Variants in DPP6 observed in about 807,000 individuals in gnomAD.
DPP6 encodes the protein dipeptidyl peptidase like 6.
Under a neutral mutation model 122.6 loss-of-function variants are expected in DPP6, and 69 were observed. The observed-to-expected ratio is 0.56, with a 90% CI of 0.46 to 0.69. The LOEUF (loss-of-function observed/expected upper bound fraction) is 0.69, where lower values mean the gene tolerates loss of function less well. Among genes scored for constraint, DPP6 ranks in the 30% least tolerant of loss-of-function variants. The probability of loss-of-function intolerance (pLI) is 0.00; values close to 1 mark genes in which losing one functional copy is unlikely to be tolerated. For synonymous variants in DPP6, 418 were observed against 433.1 expected, an observed-to-expected ratio of 0.97 and a Z score of 0.43; for missense variants, 928 against 1,116.9, an observed-to-expected ratio of 0.83 and a Z score of 2.41.
chr7:154,852,580 A>G (rs1354743065), intron 16 of DPP6, among the ~76,000 whole-genome samples: 1 of 150,932 alleles, frequency 6.6e-6, no homozygotes, highest in African/African-American at 2.5e-5. Flanking sequence ...CTCATTCAGC[A>G]TTCACTCCAC....
chr7:154,540,828 G>C (rs940544191), intron 4 of DPP6, among the ~76,000 whole-genome samples: 1 of 152,128 alleles, frequency 6.6e-6, no homozygotes, highest in African/African-American at 2.4e-5. Flanking sequence ...TTCTTTCATT[G>C]TCTGGGAAAT....
intron 2 of DPP6, among the ~76,000 whole-genome samples, chr7:154,451,238 G>A (rs780115255): frequency 2.0e-5 from 3 of 151,856 alleles, no homozygotes; most frequent in Non-Finnish European, 4.4e-5. Context: ...GCAGGTGCCT[G>A]TAATCTCAGC....
intron 1 of DPP6, among the ~76,000 whole-genome samples, chr7:153,989,502 C>T (rs1301665314): frequency 1.3e-5 from 2 of 151,790 alleles, no homozygotes; most frequent in South Asian, 2.1e-4. Context: ...CACCAGGGCA[C>T]CCTGCGAGTT....
intron 1 of DPP6, among the ~76,000 whole-genome samples, chr7:153,932,882 T>A (rs1462722776): frequency 1.3e-5 from 2 of 152,140 alleles, no homozygotes; most frequent in East Asian, 3.9e-4. Context: ...AATCCCCACG[T>A]GTTATGGGCG....
chr7:153,997,687 A>T (rs1021709068), intron 1 of DPP6, among the ~76,000 whole-genome samples: 8 of 149,030 alleles, frequency 5.4e-5, no homozygotes, highest in Admixed American at 4.6e-4. Flanking sequence ...AAATTAAGGC[A>T]TCCAACAATC....
chr7:153,964,150 C>T (rs1317344209), intron 1 of DPP6, among the ~76,000 whole-genome samples: 1 of 152,088 alleles, frequency 6.6e-6, no homozygotes, highest in Non-Finnish European at 1.5e-5. Context: ...CACCCCCCAC[C>T]ACGCCTGGCC....
In DPP6 at chr7:154,313,748, CA is replaced by C. The variant is rs1563460837; in HGVS notation, c.244-132465del. Among the ~76,000 whole-genome samples, 52 of 114,596 alleles carry C rather than the reference CA, an allele frequency of 4.5e-4. 18 individuals are homozygous for C. Among genetic ancestry groups the C allele is most frequent in the Non-Finnish European group, 8.8e-4 (48 of 54,724 alleles). 75.2% of individuals were successfully genotyped at this position (114,596 alleles called of 152,430 possible). A position where few individuals can be genotyped will look rare whatever the true frequency, so the allele number is the denominator to read the frequency against. ...ACGCACGCACACACACACACACACACACACCCTTACATATATATGTAGTACT... is the reference window on the plus strand; with the variant it reads ...ACGCACGCACACACACACACACACACCACCCTTACATATATATGTAGTACT... On this transcript the variant is annotated intron_variant, in intron 1 of 25. Coordinates refer to ENST00000377770, the MANE Select transcript of DPP6 (RefSeq NM_130797.4).
chr7:153,860,699 G>T, the DPP6 span, among the ~76,000 whole-genome samples: 1 of 151,030 alleles, frequency 6.6e-6, no homozygotes, highest in Non-Finnish European at 1.5e-5. Flanking sequence ...TCACTTCCCA[G>T]TGTGAGTGTG....
At chr7:153,830,315 C>A in the DPP6 span, among the ~76,000 whole-genome samples, 1 of 152,124 alleles carries the variant, frequency 6.6e-6, no homozygotes, top group Non-Finnish European at 1.5e-5. Flanking sequence ...GGTTTCAAAG[C>A]TTTGGTCATT....
chr7:154,225,572 G>GA (rs1181545819), intron 1 of DPP6, among the ~76,000 whole-genome samples: 1 of 149,416 alleles, frequency 6.7e-6, no homozygotes, highest in African/African-American at 2.6e-5. Context: ...GAAAAAAAAT[G>GA]AGAAAAAAAA....
chr7:154,550,764 T>A (rs1186778084), intron 4 of DPP6, among the ~76,000 whole-genome samples: 6 of 150,440 alleles, frequency 4.0e-5, no homozygotes, highest in African/African-American at 1.5e-4. Context: ...TTTTTTTTTT[T>A]TTTGAGACGA....
At chr7:153,972,393 T>C (rs1175784471) in intron 1 of DPP6, among the ~76,000 whole-genome samples, 2 of 152,046 alleles carry the variant, frequency 1.3e-5, no homozygotes, top group Non-Finnish European at 2.9e-5. Context: ...AAGCTATGCT[T>C]GGGAAACTGA....
intron 10 of DPP6, among the ~76,000 whole-genome samples, chr7:154,792,539 A>G (rs1797746594): frequency 6.6e-6 from 1 of 152,250 alleles, no homozygotes; most frequent in Admixed American, 6.5e-5. Flanking sequence ...TGAAACAGCA[A>G]AGCAGGACCT....
the DPP6 span, among the ~76,000 whole-genome samples, chr7:153,759,927 CTCTCTCTGTTTCTGTCTCTCTCTCTG>C: frequency 6.6e-6 from 1 of 150,926 alleles, no homozygotes; most frequent in African/African-American, 2.4e-5. Context: ...CTCTCTCTCT[CTCTCTCTGTTTCTGTCTCTCTCTCTG>C]TCTCTCTCTG....
At chr7:154,615,089 C>T (rs551536736) in intron 5 of DPP6, among the ~76,000 whole-genome samples, 1 of 152,220 alleles carries the variant, frequency 6.6e-6, no homozygotes, top group East Asian at 1.9e-4. Context: ...TTTTCCTGTA[C>T]AGGAGAGTTT....
chr7:153,842,770 TA>T, the DPP6 span, among the ~76,000 whole-genome samples: 1 of 152,234 alleles, frequency 6.6e-6, no homozygotes, highest in Admixed American at 6.5e-5. Flanking sequence ...TTATTATTTA[TA>T]GATGAAGTTA....
At chr7:154,817,045 G>A (rs4960619) in intron 16 of DPP6, among the ~76,000 whole-genome samples, 114,590 of 152,064 alleles carry the variant, frequency 0.75, 43,944 homozygotes, top group Non-Finnish European at 0.84. Flanking sequence ...TCAGGTGCCC[G>A]GAGCTCCCAG....
At position 154,886,814 on chromosome 7, in the gene DPP6, G is replaced by T. The variant is rs79943488; in HGVS notation, c.2246-862G>T. On this transcript the variant is annotated intron_variant, in intron 22 of 25. Coordinates refer to ENST00000377770, the MANE Select transcript of DPP6 (RefSeq NM_130797.4). ...CACCGCCCAGCAAGGCAGGGACCAC[G>T]GTGGGCCCAGCAGCCTCCTGGCTGG... 8.3e-3 allele frequency among the ~76,000 whole-genome samples: 1,260 copies of T among 152,278 alleles called. 19 individuals are homozygous for T. The highest frequency in any genetic ancestry group is 0.028 in the African/African-American group (1,179 of 41,562).
At chr7:154,028,775 T>A (rs1799076536) in intron 1 of DPP6, among the ~76,000 whole-genome samples, 1 of 152,154 alleles carries the variant, frequency 6.6e-6, no homozygotes, top group Admixed American at 6.5e-5. Context: ...TATGGCCTTC[T>A]CTGTCTCTTC....
Sources: gnomAD v4.1 joint callset for allele counts (sites outside exome capture counted in the v4.1 genomes callset) on GRCh38, gnomAD v4.1.1 for gene constraint, MANE v1.5 for transcripts, NCBI Gene and HGNC (gene_info 2026-07-23, HGNC 2026-07-21) for gene names.